The following ANKRD27 variants were observed in gnomAD, a reference collection of about 807,000 sequenced individuals.
The protein encoded by ANKRD27 is ankyrin repeat domain 27.
In ANKRD27, 112 loss-of-function variants were observed where a neutral mutation model predicts 129.7. The ratio of observed to expected loss-of-function variants is 0.86; its 90% CI spans 0.74 to 1.01. ANKRD27 has a LOEUF of 1.01. ANKRD27 is among the 50% of genes least tolerant of loss of function. ANKRD27 has a pLI of 0.00. For synonymous variants in ANKRD27, 516 were observed against 511.2 expected (o/e 1.01, Z -0.13); for missense variants, 1,258 against 1,300.5 (o/e 0.97, Z 0.50).
At chr19:32,619,138 G>C (rs1971967565) in intron 20 of ANKRD27, 122 bp downstream of exon 20, 2 of 1,320,882 alleles carry the variant, frequency 1.5e-6, no homozygotes, top group African/African-American at 1.5e-5. Flanking sequence ...AGCAGCAGCG[G>C]CCTCAGCATG....
At chr19:32,664,431 C>A (rs1967707295) in intron 1 of ANKRD27, among the ~76,000 whole-genome samples, 1 of 151,382 alleles carries the variant, frequency 6.6e-6, no homozygotes, top group Non-Finnish European at 1.5e-5. Context: ...AAGACCCTGG[C>A]CAACATCATG....
At chr19:32,652,303 A>C (rs1360479078) in intron 2 of ANKRD27, among the ~76,000 whole-genome samples, 2 of 152,236 alleles carry the variant, frequency 1.3e-5, no homozygotes, top group African/African-American at 4.8e-5. Context: ...CAGTAATTAA[A>C]GAAAGGCCAT....
chr19:32,627,826 C>T (rs569314942), intron 15 of ANKRD27, among the ~76,000 whole-genome samples: 2 of 152,256 alleles, frequency 1.3e-5, no homozygotes, highest in Admixed American at 6.5e-5. Flanking sequence ...CCCCAGCCTG[C>T]GGGAGCGTTA....
chr19:32,649,730 G>C lies in ANKRD27; in HGVS notation c.165C>G (p.Ser55=). Residue 55 remains serine, a synonymous_variant, in exon 3 of 29, where the codon TCC becomes TCG. Transcript: ENST00000306065. ...GCTCTTCCACAGGTATCAAAATGTAGGACTCAAACTGACAAGTAGACTGGA... is the reference window on the plus strand; with the variant it reads ...GCTCTTCCACAGGTATCAAAATGTACGACTCAAACTGACAAGTAGACTGGA... The part of the protein sequence containing the change: ...SSIQSTCQFE[S]YILIPVEEHF... 1.2e-6 allele frequency: 2 copies of C among 1,614,016 alleles called. No homozygotes were observed. Among genetic ancestry groups the C allele is most frequent in the Non-Finnish European group, 8.5e-7 (1 of 1,179,978 alleles).
chr19:32,625,900 G>A lies in ANKRD27; in HGVS notation c.1603C>T (p.Leu535=). The A allele has an allele frequency of 1.2e-6, 2 of 1,610,426 alleles. No individual in the cohort carries two copies. Among genetic ancestry groups the A allele is most frequent in the Non-Finnish European group, 8.5e-7 (1 of 1,178,940 alleles). Residue 535 remains leucine (L), a synonymous_variant, in exon 17 of 29, where the codon CTG becomes TTG. Transcript: ENST00000306065. ...QDNNGNTPLH[L]ACTYGHEDCV... Reference sequence around the variant, plus strand: ...TCCTCGTGGCCGTAGGTGCAGGCCAGGTGGAGTGGCGTATTCCCATTGTTG... The same window carrying A: ...TCCTCGTGGCCGTAGGTGCAGGCCAAGTGGAGTGGCGTATTCCCATTGTTG...
At chr19:32,673,763 C>G (rs1967918059) in intron 1 of ANKRD27, among the ~76,000 whole-genome samples, 1 of 152,166 alleles carries the variant, frequency 6.6e-6, no homozygotes, top group Non-Finnish European at 1.5e-5. Context: ...GGACGGACCC[C>G]TGGGTGACAG....
chr19:32,613,243 C>G (rs556646425), intron 22 of ANKRD27, among the ~76,000 whole-genome samples: 1 of 152,294 alleles, frequency 6.6e-6, no homozygotes, highest in East Asian at 1.9e-4. Flanking sequence ...ACACACCTAT[C>G]TGAATGGCTA....
intron 4 of ANKRD27, among the ~76,000 whole-genome samples, chr19:32,644,926 C>A (rs1967273187): frequency 6.6e-6 from 1 of 152,182 alleles, no homozygotes; most frequent in Non-Finnish European, 1.5e-5. Flanking sequence ...ACATCCCAGG[C>A]TGATCACAGG....
chr19:32,613,045 T>C (rs1043067942), intron 22 of ANKRD27, among the ~76,000 whole-genome samples: 52 of 152,220 alleles, frequency 3.4e-4, no homozygotes, highest in African/African-American at 1.2e-3. Context: ...ATCTAACAAA[T>C]ATCCACATAT....
At chr19:32,643,701 T>A in intron 5 of ANKRD27, 70 bp from the exon 6 acceptor site, 1 of 1,515,240 alleles carries the variant, frequency 6.6e-7, no homozygotes, top group East Asian at 2.3e-5. Flanking sequence ...CCGGAGCGGG[T>A]AAGGCGCACA....
intron 11 of ANKRD27, among the ~76,000 whole-genome samples, chr19:32,640,023 G>A (rs755720288): frequency 2.0e-5 from 3 of 151,998 alleles, no homozygotes; most frequent in East Asian, 1.9e-4. Flanking sequence ...GTGCGGTGGC[G>A]CGATTTCAGC....
At chr19:32,609,745 T>C (rs1971806092) in intron 22 of ANKRD27, among the ~76,000 whole-genome samples, 1 of 152,138 alleles carries the variant, frequency 6.6e-6, no homozygotes, top group African/African-American at 2.4e-5. Context: ...ATGGTGGTGA[T>C]GGTTTCACAG....
intron 12 of ANKRD27, among the ~76,000 whole-genome samples, chr19:32,637,002 C>T (rs530593037): frequency 2.0e-5 from 3 of 152,212 alleles, no homozygotes; most frequent in Non-Finnish European, 4.4e-5. Flanking sequence ...CCTGCCTTGG[C>T]TTCCCAAAGT....
chr19:32,654,606 A>ACAG (rs760706020), intron 2 of ANKRD27, among the ~76,000 whole-genome samples: 25 of 152,316 alleles, frequency 1.6e-4, no homozygotes, highest in Non-Finnish European at 3.4e-4. Context: ...TGTGACAGTG[A>ACAG]CAGCAGCTCC....
chr19:32,615,727 A>T lies in ANKRD27; in HGVS notation c.2106T>A (p.Thr702=). The change falls in exon 22 of 29, where the codon ACT becomes ACA. Residue 702 remains threonine, a synonymous_variant. Transcript: ENST00000306065. The part of the protein sequence containing the change: ...TEEDLEDAED[T]VSAADPEFCH... The stretch of plus-strand genomic sequence containing the variant: ...AGAATTCGGGGTCCGCTGCACTGAC[A>T]GTGTCCTCCGCATCCTCCAGGTCCT... 1 of 1,614,208 alleles carries T rather than the reference A, an allele frequency of 6.2e-7. No homozygotes were observed. The highest frequency in any genetic ancestry group is 8.5e-7 in the Non-Finnish European group (1 of 1,180,036).
chr19:32,641,328 C>A (rs2145299167), intron 10 of ANKRD27, among the ~76,000 whole-genome samples: 1 of 152,272 alleles, frequency 6.6e-6, no homozygotes, highest in Non-Finnish European at 1.5e-5. Context: ...GAGCCCAGAG[C>A]CATCACCTAA....
chr19:32,640,416 T>A (rs375400323), intron 10 of ANKRD27, 31 bp from the exon 11 acceptor site: 29 of 1,593,224 alleles, frequency 1.8e-5, no homozygotes, highest in Non-Finnish European at 2.5e-5. Context: ...TTCAATGCCA[T>A]CATGAGATTC....
chr19:32,615,521 C>A (rs1449412309), intron 22 of ANKRD27, 137 bp downstream of exon 22: 1 of 1,397,972 alleles, frequency 7.2e-7, no homozygotes, highest in East Asian at 2.4e-5. Context: ...GCGGTTGAGG[C>A]TGCAGTGGGT....
intron 17 of ANKRD27, among the ~76,000 whole-genome samples, chr19:32,625,204 C>T (rs868757544): frequency 1.3e-5 from 2 of 152,090 alleles, no homozygotes; most frequent in Non-Finnish European, 2.9e-5. Flanking sequence ...TGCAGTGAGT[C>T]AAGATCCCAT....
Sources: allele counts gnomAD v4.1 joint callset (sites outside exome capture counted in the v4.1 genomes callset), GRCh38; gene constraint gnomAD v4.1.1; transcripts MANE v1.5; gene names NCBI Gene and HGNC (gene_info 2026-07-23, HGNC 2026-07-21).